Variants in SECISBP2L observed in about 807,000 individuals in gnomAD.
SECISBP2L encodes SECIS binding protein 2 like.
In SECISBP2L, 43 loss-of-function variants were observed where a neutral mutation model predicts 114.7. That is an observed-to-expected ratio of 0.38 (90% CI 0.29 to 0.48). The LOEUF is 0.48. Among genes scored for constraint, SECISBP2L ranks in the 20% least tolerant of loss-of-function variants. SECISBP2L has a pLI of 0.98. For missense variants in SECISBP2L, 1,136 were observed against 1,301.1 expected (o/e 0.87, Z 1.95); for synonymous variants, 451 against 439.7 (o/e 1.03, Z -0.32).
rs1318682990 is a variant in SECISBP2L at position 48,999,992 on chromosome 15, GA to G, written c.2249-6del. ...AGAGAGCCTCATCCAGACCACCTGAGAAAATCAACACATGCAGACGCCTTTA... is the reference window on the plus strand; with the variant it reads ...AGAGAGCCTCATCCAGACCACCTGAGAAATCAACACATGCAGACGCCTTTA... On this transcript the variant is annotated splice_polypyrimidine_tract_variant and splice_region_variant and intron_variant, in intron 15 of 17. Coordinates refer to ENST00000559471, the MANE Select transcript of SECISBP2L (RefSeq NM_001193489.2). The G allele has an allele frequency of 1.9e-6, 3 of 1,613,014 alleles. No homozygotes were observed. The highest frequency in any genetic ancestry group is 2.5e-6 in the Non-Finnish European group (3 of 1,179,398).
At chr15:49,015,948 A>G (rs1208785495) in intron 11 of SECISBP2L, among the ~76,000 whole-genome samples, 6 of 152,246 alleles carry the variant, frequency 3.9e-5, no homozygotes, top group Non-Finnish European at 8.8e-5. Context: ...GGAAAAGGGA[A>G]TAGCAAGCCC....
intron 7 of SECISBP2L, among the ~76,000 whole-genome samples, chr15:49,025,337 CTT>C (rs1045509441): frequency 6.6e-6 from 1 of 152,130 alleles, no homozygotes; most frequent in African/African-American, 2.4e-5. Flanking sequence ...GAATTTCAGA[CTT>C]TTTCAGATTC....
intron 13 of SECISBP2L, among the ~76,000 whole-genome samples, chr15:49,009,861 G>A (rs553060816): frequency 1.3e-5 from 2 of 152,302 alleles, no homozygotes; most frequent in Admixed American, 1.3e-4. Flanking sequence ...GCCGGGCATG[G>A]TGGCTCATGC....
intron 3 of SECISBP2L, 119 bp downstream of exon 3, chr15:49,035,215 A>G: frequency 1.2e-6 from 1 of 823,610 alleles, no homozygotes; most frequent in Non-Finnish European, 1.9e-6. Context: ...ATTTTACAAT[A>G]GTGAACAATA....
At chr15:49,030,481 G>C (rs1902863161) in intron 4 of SECISBP2L, among the ~76,000 whole-genome samples, 1 of 152,158 alleles carries the variant, frequency 6.6e-6, no homozygotes. Context: ...GGGCCCCAAG[G>C]ACAGGGTGGG....
At position 48,992,699 on chromosome 15, in the gene SECISBP2L, G is replaced by A. The variant is rs747877554; in HGVS notation, c.2851C>T (p.Leu951=). ...SDKEEVKPDD[L]EWASQQSTET... ...GTACTCTGCTGTGAGGCCCATTCCA[G>A]GTCATCTGGCTTCACTTCCTCTTTA... The change falls in exon 18 of 18, where the codon CTG becomes TTG. Residue 951 remains leucine, a synonymous_variant. Transcript: ENST00000559471. 1 of 1,614,190 alleles carries A rather than the reference G, an allele frequency of 6.2e-7. No individual in the cohort carries two copies. Among genetic ancestry groups the A allele is most frequent in the Admixed American group, 1.7e-5 (1 of 60,018 alleles).
At position 49,028,553 on chromosome 15, in the gene SECISBP2L, T is replaced by G; in HGVS notation, c.794A>C (p.Glu265Ala). ...AESSSEQGAS[E>A]ADIDSDSGYC... Reference sequence around the variant, plus strand: ...ACCACTATCACTGTCAATGTCGGCTTCACTAGCCCCCTGCTCACTAGAAGA... The same window carrying G: ...ACCACTATCACTGTCAATGTCGGCTGCACTAGCCCCCTGCTCACTAGAAGA... The change falls in exon 5 of 18, where the codon GAA becomes GCA. Residue 265 changes from glutamate to alanine, a missense_variant. Around this residue, in one of 2 missense-constraint regions of SECISBP2L, gnomAD observed 452 missense variants for 452.3 expected, o/e 1.00. Transcript: ENST00000559471. 6.2e-7 allele frequency: 1 copy of G among 1,614,164 alleles called. No individual in the cohort carries two copies. Among genetic ancestry groups the G allele is most frequent in the Non-Finnish European group, 8.5e-7 (1 of 1,180,016 alleles).
chr15:49,016,808 A>C (rs952984446), intron 10 of SECISBP2L, 40 bp downstream of exon 10: 24 of 1,593,036 alleles, frequency 1.5e-5, no homozygotes, highest in Non-Finnish European at 2.1e-5. Flanking sequence ...CAAACCTAGC[A>C]AGTAAACTAT....
At position 48,992,636 on chromosome 15, in the gene SECISBP2L, A is replaced by G. The variant is rs1902006098; in HGVS notation, c.2914T>C (p.Leu972=). 1.2e-6 allele frequency: 2 copies of G among 1,614,168 alleles called. No individual in the cohort carries two copies. Among genetic ancestry groups the G allele is most frequent in the Non-Finnish European group, 1.7e-6 (2 of 1,180,046 alleles). ...GSLDGSCRDL[L]NSSITSTTST... ...GTGGTGCTGGTGATGGAGGAATTCA[A>G]AAGATCTCGGCAACTGCCATCCAAA... The change falls in exon 18 of 18, where the codon TTG becomes CTG. Residue 972 remains leucine, a synonymous_variant. Transcript: ENST00000559471.
chr15:49,006,245 G>C (rs1212879742), intron 14 of SECISBP2L, among the ~76,000 whole-genome samples: 1 of 152,118 alleles, frequency 6.6e-6, no homozygotes. Flanking sequence ...TCTTCTCAAG[G>C]AGTATCTTTG....
chr15:49,007,508 CT>C (rs1480760932), intron 14 of SECISBP2L, among the ~76,000 whole-genome samples: 20 of 152,302 alleles, frequency 1.3e-4, no homozygotes, highest in African/African-American at 4.8e-4. Flanking sequence ...GAGGAGGAAT[CT>C]AAAGAGGCAG....
At chr15:48,993,608 T>G (rs2141057778) in intron 17 of SECISBP2L, among the ~76,000 whole-genome samples, 1 of 152,240 alleles carries the variant, frequency 6.6e-6, no homozygotes, top group South Asian at 2.1e-4. Context: ...TCTTTTGGCC[T>G]GTAATGGGAC....
rs753573738 is a variant in SECISBP2L at position 49,016,554 on chromosome 15, T to C, written c.1561+6A>G. ...AACAGCAAATTGCTCAGACTAATGA[T>C]ATCACCTGTATATGACAGAGGTCTG... On this transcript the variant is annotated splice_donor_region_variant and intron_variant, in intron 11 of 17. Coordinates refer to ENST00000559471, the MANE Select transcript of SECISBP2L (RefSeq NM_001193489.2). 3.1e-6 allele frequency: 5 copies of C among 1,589,878 alleles called. No homozygotes were observed. In the South Asian group the frequency reaches 4.7e-5, roughly 15 times the overall value.
Position 49,012,875 on chromosome 15 carries a change from A to C in SECISBP2L, c.1562-58T>G, listed in dbSNP as rs1025682425. The C allele has an allele frequency of 3.9e-6, 6 of 1,524,246 alleles. No individual in the cohort carries two copies. The Admixed American group carries it at 1.3e-4, about 33-fold the overall frequency. The allele number at this position is 1,524,246 out of a possible 1,614,324, so 94.4% of individuals were successfully genotyped here. ...TAGGGCCAATCCCACATACTTTCAA[A>C]ATTTCCAATAACTACAAAAACAAGA... On this transcript the variant is annotated intron_variant, in intron 11 of 17. Coordinates refer to ENST00000559471, the MANE Select transcript of SECISBP2L (RefSeq NM_001193489.2).
intron 14 of SECISBP2L, 81 bp from the exon 15 acceptor site, chr15:49,001,178 T>G: frequency 2.4e-6 from 2 of 834,838 alleles, no homozygotes; most frequent in Non-Finnish European, 3.7e-6. Context: ...AAAATATCTC[T>G]AAGAGAAAAT....
At chr15:49,013,631 T>C (rs1402188937) in intron 11 of SECISBP2L, among the ~76,000 whole-genome samples, 1 of 152,168 alleles carries the variant, frequency 6.6e-6, no homozygotes, top group Non-Finnish European at 1.5e-5. Context: ...TACCCTCAGT[T>C]TCCACTGGCT....
intron 14 of SECISBP2L, 145 bp downstream of exon 14, chr15:49,009,071 C>T (rs1435792220): frequency 1.9e-5 from 15 of 777,592 alleles, no homozygotes; most frequent in Non-Finnish European, 2.9e-5. Context: ...ATAATAAACC[C>T]AGCTGTTAAA....
In SECISBP2L at chr15:48,988,986, G is replaced by T. The variant is rs1280707744; in HGVS notation, c.*3258C>A. On this transcript the variant is annotated 3_prime_UTR_variant, in exon 18 of 18. Transcript: ENST00000559471. ...GGTTGATTCTGTGATGTATGTAAAG[G>T]TTGGAAGGGATGAGGGAGGAGGAAG... is the stretch of plus-strand genomic sequence containing the variant. 5.2e-5 allele frequency: 8 copies of T among 154,772 alleles called. No individual in the cohort carries two copies. The highest frequency in any genetic ancestry group is 1.9e-4 in the African/African-American group (8 of 41,426). 9.6% of individuals were successfully genotyped at this position (154,772 alleles called of 1,614,324 possible).
Position 48,992,942 on chromosome 15 carries a change from A to G in SECISBP2L, c.2624-16T>C. 1 of 1,593,006 alleles carries G rather than the reference A, an allele frequency of 6.3e-7. No homozygotes were observed. Among genetic ancestry groups the G allele is most frequent in the Non-Finnish European group, 8.6e-7 (1 of 1,168,722 alleles). On this transcript the variant is annotated splice_polypyrimidine_tract_variant and intron_variant, in intron 17 of 17. Coordinates refer to ENST00000559471, the MANE Select transcript of SECISBP2L (RefSeq NM_001193489.2). Reference sequence around the variant, plus strand: ...CAATTTGTTTCTACAAGTATCAAGCAGATTTTTTAAAAACCAGAACACTGT... The same window carrying G: ...CAATTTGTTTCTACAAGTATCAAGCGGATTTTTTAAAAACCAGAACACTGT...
Sources: allele counts gnomAD v4.1 joint callset (sites outside exome capture counted in the v4.1 genomes callset), GRCh38; gene constraint gnomAD v4.1.1; regional missense constraint gnomAD v4.1.1; transcripts MANE v1.5; gene names NCBI Gene and HGNC (gene_info 2026-07-23, HGNC 2026-07-21).